Variants in CDH13 observed in about 807,000 individuals in gnomAD.
CDH13 encodes cadherin 13.
CDH13 carries 24 observed loss-of-function variants against 63.8 expected under a neutral mutation model. That is an observed-to-expected ratio of 0.38 (90% CI 0.27 to 0.53). The LOEUF is 0.53. Ranked by LOEUF, CDH13 falls within the 20% of genes least tolerant of loss-of-function variation. CDH13 has a pLI of 0.85. For missense variants in CDH13, 1,049 were observed against 903.1 expected (o/e 1.16, Z -2.07); for synonymous variants, 503 against 355.3 (o/e 1.42, Z -4.67).
intron 2 of CDH13, among the ~76,000 whole-genome samples, chr16:83,030,892 C>A (rs541194195): frequency 3.3e-5 from 5 of 151,796 alleles, no homozygotes; most frequent in Non-Finnish European, 7.4e-5. Flanking sequence ...CCATCCCTGC[C>A]CCGTTTTAAG....
At chr16:83,671,233 A>G (rs1914473726) in intron 9 of CDH13, among the ~76,000 whole-genome samples, 1 of 152,134 alleles carries the variant, frequency 6.6e-6, no homozygotes, top group South Asian at 2.1e-4. Flanking sequence ...ACCAAACTTA[A>G]GTGCATTTTT....
intron 7 of CDH13, among the ~76,000 whole-genome samples, chr16:83,502,497 A>T (rs901250337): frequency 4.6e-5 from 7 of 152,294 alleles, no homozygotes; most frequent in South Asian, 2.1e-4. Context: ...GAAGTGTAAG[A>T]GAATAAAGTC....
chr16:83,568,369 C>T (rs1262299704), intron 7 of CDH13, among the ~76,000 whole-genome samples: 1 of 152,130 alleles, frequency 6.6e-6, no homozygotes, highest in African/African-American at 2.4e-5. Context: ...AATTCTGGTC[C>T]TTCTTCTTGA....
At chr16:83,240,643 T>A (rs1472441767) in intron 5 of CDH13, among the ~76,000 whole-genome samples, 1 of 142,004 alleles carries the variant, frequency 7.0e-6, no homozygotes, top group African/African-American at 2.6e-5. Flanking sequence ...AGTGGGAAGA[T>A]TTTTTAAATA....
intron 4 of CDH13, among the ~76,000 whole-genome samples, chr16:83,142,425 A>T (rs2036574420): frequency 6.6e-6 from 1 of 152,006 alleles, no homozygotes; most frequent in Admixed American, 6.5e-5. Context: ...CAAAGTGCTT[A>T]GATGACAGGT....
chr16:83,392,312 C>T (rs951926), intron 6 of CDH13, among the ~76,000 whole-genome samples: 1 of 151,998 alleles, frequency 6.6e-6, no homozygotes, highest in Non-Finnish European at 1.5e-5. Context: ...TAGCGCCGTG[C>T]CTCACGAGCT....
At chr16:82,979,096 C>G (rs1403299021) in intron 2 of CDH13, among the ~76,000 whole-genome samples, 4 of 152,178 alleles carry the variant, frequency 2.6e-5, no homozygotes, top group Non-Finnish European at 4.4e-5. Flanking sequence ...CTATTGGATT[C>G]TAGACTTGCA....
At position 83,592,675 on chromosome 16, in the gene CDH13, C is replaced by G. The variant is rs199886403; in HGVS notation, c.961-9779C>G. Among the ~76,000 whole-genome samples, 11 of 152,306 alleles carry G rather than the reference C, an allele frequency of 7.2e-5. No individual in the cohort carries two copies. In the East Asian group the frequency reaches 1.5e-3, roughly 21 times the overall value. On this transcript the variant is annotated intron_variant, in intron 7 of 13. Transcript: ENST00000567109. ...GTCTAAGAGACAGTGTTTATTTCCCCTGCTGCTTCTCCACCCTGCCAGCTT... is the reference window on the plus strand; with the variant it reads ...GTCTAAGAGACAGTGTTTATTTCCCGTGCTGCTTCTCCACCCTGCCAGCTT...
At chr16:83,349,849 C>G (rs1210179804) in intron 6 of CDH13, among the ~76,000 whole-genome samples, 1 of 152,070 alleles carries the variant, frequency 6.6e-6, no homozygotes, top group Non-Finnish European at 1.5e-5. Flanking sequence ...TATCCGCCCA[C>G]CTTGGCCTCC....
chr16:83,087,128 C>G (rs2151575007), intron 3 of CDH13, among the ~76,000 whole-genome samples: 1 of 152,238 alleles, frequency 6.6e-6, no homozygotes, highest in Admixed American at 6.5e-5. Flanking sequence ...AAAATGTACA[C>G]ACAGCACAAT....
chr16:83,024,907 T>C (rs1240643247), intron 2 of CDH13, among the ~76,000 whole-genome samples: 3 of 152,184 alleles, frequency 2.0e-5, no homozygotes, highest in Admixed American at 1.3e-4. Context: ...GATTCAACAA[T>C]GGGCAAGCCT....
chr16:82,898,455 G>T (rs2041343155), intron 2 of CDH13, among the ~76,000 whole-genome samples: 1 of 152,218 alleles, frequency 6.6e-6, no homozygotes, highest in South Asian at 2.1e-4. Context: ...AACCTGGGAG[G>T]CAGAGGTTGC....
At chr16:82,655,223 C>G (rs1034002075) in intron 1 of CDH13, among the ~76,000 whole-genome samples, 2 of 152,158 alleles carry the variant, frequency 1.3e-5, no homozygotes, top group Non-Finnish European at 2.9e-5. Flanking sequence ...GCTTTATTGG[C>G]AGAGGCAAAC....
At chr16:83,545,877 T>TATTC (rs377509774) in intron 7 of CDH13, among the ~76,000 whole-genome samples, 81 of 152,274 alleles carry the variant, frequency 5.3e-4, no homozygotes, top group African/African-American at 1.4e-3. Flanking sequence ...TCTTTGAGCG[T>TATTC]ATTCATTCAT....
intron 2 of CDH13, among the ~76,000 whole-genome samples, chr16:82,912,930 G>A (rs1381143119): frequency 2.7e-5 from 4 of 149,816 alleles, no homozygotes; most frequent in South Asian, 2.1e-4. Context: ...GTGACAGAGC[G>A]AGACTGTGAC....
intron 2 of CDH13, among the ~76,000 whole-genome samples, chr16:82,876,585 G>A (rs974823654): frequency 2.0e-5 from 3 of 152,150 alleles, no homozygotes; most frequent in African/African-American, 7.2e-5. Context: ...TTCTGTACTC[G>A]TCATGGGCCC....
chr16:82,963,459 C>T (rs932912867), intron 2 of CDH13, among the ~76,000 whole-genome samples: 1 of 152,130 alleles, frequency 6.6e-6, no homozygotes. Context: ...TGATCCCTGT[C>T]CCCTACGTCC....
At chr16:83,232,557 A>C (rs7193641) in intron 5 of CDH13, among the ~76,000 whole-genome samples, 89,742 of 148,152 alleles carry the variant, frequency 0.61, 29,046 homozygotes, top group East Asian at 0.86. Context: ...AACAAACAAA[A>C]AAAAAAAAAA....
chr16:83,679,210 G>A lies in CDH13; in HGVS notation c.1538+749G>A, dbSNP rs78306201. Among the ~76,000 whole-genome samples, 299 of 152,298 alleles carry A rather than the reference G, an allele frequency of 2.0e-3. 4 individuals are homozygous for A. Among genetic ancestry groups the A allele is most frequent in the African/African-American group, 7.0e-3 (290 of 41,548 alleles). On this transcript the variant is annotated intron_variant, in intron 10 of 13. Coordinates refer to ENST00000567109, the MANE Select transcript of CDH13 (RefSeq NM_001257.5). ...TTAATTAAATGGTCGCTATCCACCC[G>A]TGGTGCATCTAATGCTCACAAATAA... is the stretch of plus-strand genomic sequence containing the variant.
Sources: allele counts gnomAD v4.1 joint callset (sites outside exome capture counted in the v4.1 genomes callset), GRCh38; gene constraint gnomAD v4.1.1; transcripts MANE v1.5; gene names NCBI Gene and HGNC (gene_info 2026-07-23, HGNC 2026-07-21).